The following UPF1 variants were observed in gnomAD, a reference collection of about 807,000 sequenced individuals.
The protein encoded by UPF1 is UPF1 RNA helicase and ATPase, also known as regulator of nonsense transcripts 1.
In UPF1, 9 loss-of-function variants were observed where a neutral mutation model predicts 129.2. That is an observed-to-expected ratio of 0.07 (90% CI 0.04 to 0.12). UPF1 has a LOEUF of 0.12. Among genes scored for constraint, UPF1 ranks in the 10% least tolerant of loss-of-function variants. The pLI is 1.00. For synonymous variants in UPF1, 649 were observed against 644.9 expected (o/e 1.01, Z -0.10); for missense variants, 788 against 1,525.3 (o/e 0.52, Z 8.05).
intron 1 of UPF1, among the ~76,000 whole-genome samples, chr19:18,841,634 C>G (rs1315871002): frequency 6.6e-6 from 1 of 152,164 alleles, no homozygotes; most frequent in Non-Finnish European, 1.5e-5. Flanking sequence ...GAGGTGTGCA[C>G]CTTCTGGACT....
Position 18,867,009 on chromosome 19 carries a change from C to G in UPF1, c.*492C>G, listed in dbSNP as rs1648633345. On this transcript the variant is annotated 3_prime_UTR_variant, in exon 24 of 24. Transcript: ENST00000262803. Reference sequence around the variant, plus strand: ...GCCTACCGGACGCGCCGAGGTCGCGCTGCCTGTGTTCTCCGAGGGCCTTCA... The same window carrying G: ...GCCTACCGGACGCGCCGAGGTCGCGGTGCCTGTGTTCTCCGAGGGCCTTCA... 6.6e-6 allele frequency: 1 copy of G among 152,658 alleles called. No homozygotes were observed. Among genetic ancestry groups the G allele is most frequent in the South Asian group, 2.1e-4 (1 of 4,836 alleles). The allele number at this position is 152,658 out of a possible 1,614,324, so 9.5% of individuals were successfully genotyped here. A position where few individuals can be genotyped will look rare whatever the true frequency, so the allele number is the denominator to read the frequency against.
At chr19:18,837,663 C>T (rs536626087) in intron 1 of UPF1, among the ~76,000 whole-genome samples, 7 of 152,298 alleles carry the variant, frequency 4.6e-5, no homozygotes, top group South Asian at 2.1e-4. Context: ...GGCAGCAACA[C>T]GCATGTTTTT....
chr19:18,862,629 T>C (rs2005695), intron 18 of UPF1, among the ~76,000 whole-genome samples: 5 of 151,990 alleles, frequency 3.3e-5, no homozygotes, highest in Non-Finnish European at 7.4e-5. Flanking sequence ...TGAGGTCAGG[T>C]GTTCTCGACC....
Position 18,860,326 on chromosome 19 carries a change from C to T in UPF1, c.2188C>T (p.Arg730Cys), listed in dbSNP as rs1195464113. 2 of 1,613,710 alleles carry T rather than the reference C, an allele frequency of 1.2e-6. No homozygotes were observed. The highest frequency in any genetic ancestry group is 1.3e-5 in the African/African-American group (1 of 74,892). Residue 730 changes from arginine to cysteine, a missense_variant, in exon 16 of 24, where the codon CGT becomes TGT. Coordinates refer to ENST00000262803, the MANE Select transcript of UPF1 (RefSeq NM_002911.4). ...TTCTTTCCCTCCCCTCACAGCGGAT[C>T]GTGTGAAGAAGGGATTTGACTTCCA... is the stretch of plus-strand genomic sequence containing the variant. ...SLQNGVTAAD[R>C]VKKGFDFQWP...
intron 1 of UPF1, among the ~76,000 whole-genome samples, chr19:18,843,584 T>G (rs2055565066): frequency 6.9e-6 from 1 of 145,694 alleles, no homozygotes; most frequent in South Asian, 2.2e-4. Flanking sequence ...AGTGGTGTGA[T>G]CTCGGCTCAC....
At chr19:18,855,618 A>G (rs1568278880) in intron 11 of UPF1, 8 of 499,630 alleles carry the variant, frequency 1.6e-5, no homozygotes, top group Admixed American at 3.7e-5. Flanking sequence ...GCATCGTGTC[A>G]TTACTGCCTG....
In UPF1 at chr19:18,850,255, C is replaced by T. The variant is rs372218889; in HGVS notation, c.629+13C>T. On this transcript the variant is annotated intron_variant, in intron 4 of 23. Transcript: ENST00000262803. The surrounding 1 kb of genome is among the most constrained non-coding windows in gnomAD (Gnocchi z 7.1). ...TGCTGCTGTGCAGGTGAGTGGTCCC[C>T]AGATGTCTCCTGGGGGTGACCTTTA... 3.1e-6 allele frequency: 5 copies of T among 1,587,528 alleles called. No homozygotes were observed. The African/African-American group carries it at 5.4e-5, about 17-fold the overall frequency.
chr19:18,855,272 A>AC, intron 11 of UPF1, 30 bp downstream of exon 11: 3 of 1,602,454 alleles, frequency 1.9e-6, no homozygotes, highest in Non-Finnish European at 2.5e-6. Context: ...TGCGGGCAAG[A>AC]CCCGGGAGGG....
At chr19:18,857,861 G>A (rs1187818105) in intron 15 of UPF1, among the ~76,000 whole-genome samples, 1 of 152,240 alleles carries the variant, frequency 6.6e-6, no homozygotes, top group East Asian at 1.9e-4. Context: ...TGCATTCAGT[G>A]CTTCATGAAG....
rs559774397 is a variant in UPF1, at chr19:18,860,220, A to T, written c.2183-101A>T. 4.1e-6 allele frequency: 5 copies of T among 1,231,396 alleles called. No homozygotes were observed. In the South Asian group the frequency reaches 6.6e-5, roughly 16 times the overall value. 76.3% of individuals were successfully genotyped at this position (1,231,396 alleles called of 1,614,324 possible). On this transcript the variant is annotated intron_variant, in intron 15 of 23. Coordinates refer to ENST00000262803, the MANE Select transcript of UPF1 (RefSeq NM_002911.4). ...ACAGATCGAAGTCTCCTGCCCCAGG[A>T]CCTGCAGCACTGTAGCGTAGCAACT... is the stretch of plus-strand genomic sequence containing the variant.
At chr19:18,863,660 C>G (rs777843700) in intron 19 of UPF1, 48 bp downstream of exon 19, 8 of 1,535,846 alleles carry the variant, frequency 5.2e-6, no homozygotes, top group Non-Finnish European at 7.1e-6. Context: ...AACCCGGGCC[C>G]AAAACACTGC....
Position 18,851,082 on chromosome 19 carries a change from T to TG in UPF1, c.810+218dup. ...TACCTGACCGAGAAGATCCTGGCCT[T>TG]GGGGAAAGGAAAGCTCTGGCTGCTG... is the stretch of plus-strand genomic sequence containing the variant. On this transcript the variant is annotated intron_variant, in intron 5 of 23. Coordinates refer to ENST00000262803, the MANE Select transcript of UPF1 (RefSeq NM_002911.4). This position sits in a 1 kb window ranked among gnomAD's most constrained non-coding sequence, Gnocchi z 4.2. 1 of 489,272 alleles carries TG rather than the reference T, an allele frequency of 2.0e-6. No individual in the cohort carries two copies. 30.3% of individuals were successfully genotyped at this position (489,272 alleles called of 1,614,324 possible). A position where few individuals can be genotyped will look rare whatever the true frequency, so the allele number is the denominator to read the frequency against.
chr19:18,848,848 T>G (rs1601107963), intron 3 of UPF1, among the ~76,000 whole-genome samples: 1 of 152,172 alleles, frequency 6.6e-6, no homozygotes, highest in Non-Finnish European at 1.5e-5. Context: ...GTAATTTAAG[T>G]GTTGCTATGT....
chr19:18,833,118 G>C (rs1038390719), intron 1 of UPF1: 3 of 152,388 alleles, frequency 2.0e-5, no homozygotes, highest in African/African-American at 7.2e-5. Flanking sequence ...CCTCCCATCT[G>C]TGGTCGCAGC....
chr19:18,852,312 G>C lies in UPF1; in HGVS notation c.972+16G>C, dbSNP rs201707859. ...GGAGTCCCAGGTGATGTGTGCGAGA[G>C]GGCTTGGCCTGGGGTGGGCTCTGGC... On this transcript the variant is annotated intron_variant, in intron 6 of 23. Coordinates refer to ENST00000262803, the MANE Select transcript of UPF1 (RefSeq NM_002911.4). 2.3e-4 allele frequency: 372 copies of C among 1,611,864 alleles called. 2 individuals are homozygous for C. The African/African-American group carries it at 4.5e-3, about 19-fold the overall frequency.
chr19:18,846,530 C>T (rs2055601902), intron 2 of UPF1, among the ~76,000 whole-genome samples: 1 of 152,040 alleles, frequency 6.6e-6, no homozygotes, highest in Non-Finnish European at 1.5e-5. Context: ...TCCCTGCCTC[C>T]CGCTGCCTTG....
At position 18,865,475 on chromosome 19, in the gene UPF1, G is replaced by A. The variant is rs1438414325; in HGVS notation, c.3019+25G>A. ...GGTGAGCATCTGTGGCTGCGGCTGGGTGTGGCCCTCCTGAGAGCTCTTGAG... is the reference window on the plus strand; with the variant it reads ...GGTGAGCATCTGTGGCTGCGGCTGGATGTGGCCCTCCTGAGAGCTCTTGAG... On this transcript the variant is annotated intron_variant, in intron 21 of 23. Transcript: ENST00000262803. The surrounding 1 kb of genome is among the most constrained non-coding windows in gnomAD (Gnocchi z 6.1). 1.2e-6 allele frequency: 2 copies of A among 1,611,824 alleles called. No homozygotes were observed. Among genetic ancestry groups the A allele is most frequent in the Admixed American group, 3.3e-5 (2 of 60,000 alleles).
At chr19:18,847,317 G>C (rs970717293) in intron 2 of UPF1, among the ~76,000 whole-genome samples, 1 of 152,192 alleles carries the variant, frequency 6.6e-6, no homozygotes, top group Non-Finnish European at 1.5e-5. Context: ...CTTGGGCTTC[G>C]GGGCCTGAGC....
chr19:18,843,694 G>A (rs2055566475), intron 1 of UPF1, among the ~76,000 whole-genome samples: 1 of 150,496 alleles, frequency 6.6e-6, no homozygotes, highest in Non-Finnish European at 1.5e-5. Flanking sequence ...AGTAGAGATG[G>A]GGTTTTGCCA....
Sources: allele counts gnomAD v4.1 joint callset (sites outside exome capture counted in the v4.1 genomes callset), GRCh38; gene constraint gnomAD v4.1.1; non-coding constraint Gnocchi (gnomAD v3.1); transcripts MANE v1.5; gene names NCBI Gene and HGNC (gene_info 2026-07-23, HGNC 2026-07-21).